Variants in TRIO observed in about 807,000 individuals in gnomAD.
TRIO encodes the protein trio Rho guanine nucleotide exchange factor, also known as triple functional domain protein.
TRIO carries 58 observed loss-of-function variants against 351.9 expected under a neutral mutation model. That is an observed-to-expected ratio of 0.16 (90% CI 0.13 to 0.21). The LOEUF (loss-of-function observed/expected upper bound fraction) is 0.21, where lower values mean the gene tolerates loss of function less well. TRIO is among the 10% of genes least tolerant of loss of function. TRIO has a pLI of 1.00. For missense variants in TRIO, 3,201 were observed against 4,027.8 expected, an observed-to-expected ratio of 0.79 and a Z score of 5.56; for synonymous variants, 1,758 against 1,595.7, an observed-to-expected ratio of 1.10 and a Z score of -2.42.
chr5:14,432,269 C>T (rs191343397), intron 34 of TRIO, among the ~76,000 whole-genome samples: 18 of 139,368 alleles, frequency 1.3e-4, no homozygotes, highest in African/African-American at 4.0e-4. Context: ...TAGCAGGGGA[C>T]GTAAAGTGAG....
In TRIO at chr5:14,287,082, C is replaced by T; in HGVS notation, c.540+19C>T. On this transcript the variant is annotated intron_variant, in intron 4 of 56. Transcript: ENST00000344204. ...ATTTGAGGTAACTTCCCCCGTGTGGCTAGACCCACTAAACAAGTTGGTGTG... is the reference window on the plus strand; with the variant it reads ...ATTTGAGGTAACTTCCCCCGTGTGGTTAGACCCACTAAACAAGTTGGTGTG... 6.2e-7 allele frequency: 1 copy of T among 1,609,700 alleles called. No homozygotes were observed. Among genetic ancestry groups the T allele is most frequent in the East Asian group, 2.2e-5 (1 of 44,802 alleles).
chr5:14,302,766 A>G (rs1738010456), intron 7 of TRIO, among the ~76,000 whole-genome samples: 1 of 152,264 alleles, frequency 6.6e-6, no homozygotes, highest in African/African-American at 2.4e-5. Flanking sequence ...TGCATTTCAA[A>G]TAGTCATCCT....
intron 36 of TRIO, among the ~76,000 whole-genome samples, chr5:14,465,301 G>A (rs911551839): frequency 6.6e-6 from 1 of 152,146 alleles, no homozygotes; most frequent in African/African-American, 2.4e-5. Context: ...ACATGACTGC[G>A]ATTCAAATCA....
chr5:14,301,934 G>A (rs2152294074), intron 7 of TRIO, among the ~76,000 whole-genome samples: 2 of 152,228 alleles, frequency 1.3e-5, no homozygotes, highest in Non-Finnish European at 2.9e-5. Flanking sequence ...TAAAACCATG[G>A]CTAGGATTAT....
chr5:14,314,906 C>A (rs996787603), intron 8 of TRIO, among the ~76,000 whole-genome samples: 3 of 152,204 alleles, frequency 2.0e-5, no homozygotes, highest in African/African-American at 7.2e-5. Context: ...CCTTTATTAT[C>A]TTTGGTTATG....
chr5:14,149,693 T>G (rs1253112565), intron 1 of TRIO, among the ~76,000 whole-genome samples: 2 of 152,226 alleles, frequency 1.3e-5, no homozygotes, highest in Middle Eastern at 3.2e-3. Context: ...GATTACTGGC[T>G]CTTTTCATTA....
intron 53 of TRIO, chr5:14,498,903 T>C: frequency 2.6e-6 from 1 of 382,186 alleles, no homozygotes; most frequent in South Asian, 3.9e-5. Flanking sequence ...GCCTGCCTGG[T>C]GAAGGCCTCT....
Position 14,340,321 on chromosome 5 carries a change from T to C in TRIO, c.2046+3594T>C, listed in dbSNP as rs1579370270. On this transcript the variant is annotated intron_variant, in intron 11 of 56. Coordinates refer to ENST00000344204, the MANE Select transcript of TRIO (RefSeq NM_007118.4). ...CTGAGGCAGGAGAATGGCATGAACC[T>C]GGGAGGCAGAGCTTGCAGTGAGCCG... 2.0e-5 allele frequency among the ~76,000 whole-genome samples: 3 copies of C among 147,600 alleles called. No homozygotes were observed. The South Asian group carries it at 6.3e-4, about 31-fold the overall frequency.
chr5:14,209,550 G>T (rs1384664763), intron 1 of TRIO, among the ~76,000 whole-genome samples: 1 of 152,040 alleles, frequency 6.6e-6, no homozygotes, highest in Non-Finnish European at 1.5e-5. Context: ...TGCTTGTATC[G>T]TACTGGGTTA....
intron 40 of TRIO, among the ~76,000 whole-genome samples, chr5:14,476,192 G>A (rs949343852): frequency 2.0e-5 from 3 of 152,166 alleles, no homozygotes; most frequent in Non-Finnish European, 4.4e-5. Flanking sequence ...AAATTCGCAG[G>A]TATAAAGACC....
intron 1 of TRIO, among the ~76,000 whole-genome samples, chr5:14,193,309 G>A (rs979816304): frequency 2.0e-5 from 3 of 152,134 alleles, no homozygotes; most frequent in Non-Finnish European, 4.4e-5. Context: ...AAACGTACCT[G>A]TGGGCACACA....
At chr5:14,348,470 C>T (rs960458317) in intron 11 of TRIO, among the ~76,000 whole-genome samples, 1 of 152,260 alleles carries the variant, frequency 6.6e-6, no homozygotes, top group African/African-American at 2.4e-5. Flanking sequence ...TTTCCATTTT[C>T]CTGCTTGTGT....
At chr5:14,285,364 G>C (rs149493721) in intron 3 of TRIO, among the ~76,000 whole-genome samples, 1 of 152,034 alleles carries the variant, frequency 6.6e-6, no homozygotes, top group Non-Finnish European at 1.5e-5. Context: ...CTTCTGATTG[G>C]GTCCTACTGC....
At chr5:14,491,728 C>T (rs1361531685) in intron 48 of TRIO, among the ~76,000 whole-genome samples, 1 of 152,186 alleles carries the variant, frequency 6.6e-6, no homozygotes, top group East Asian at 1.9e-4. Flanking sequence ...TGCATGTCAG[C>T]CCTGTGACTG....
At chr5:14,253,236 T>C (rs1046452647) in intron 1 of TRIO, among the ~76,000 whole-genome samples, 1 of 152,280 alleles carries the variant, frequency 6.6e-6, no homozygotes, top group African/African-American at 2.4e-5. Context: ...TATTTATGGC[T>C]TATTTTTAAA....
At chr5:14,380,131 C>T (rs1163022076) in intron 20 of TRIO, among the ~76,000 whole-genome samples, 5 of 152,212 alleles carry the variant, frequency 3.3e-5, no homozygotes, top group African/African-American at 1.2e-4. Context: ...ATCCCAGTTA[C>T]ATCCTTGACA....
intron 9 of TRIO, among the ~76,000 whole-genome samples, chr5:14,324,118 TAAC>T (rs1208604068): frequency 6.6e-6 from 1 of 152,360 alleles, no homozygotes; most frequent in African/African-American, 2.4e-5. Context: ...AGTGACTGAG[TAAC>T]TAAAATAAAT....
At chr5:14,200,685 A>C (rs951682704) in intron 1 of TRIO, among the ~76,000 whole-genome samples, 1 of 152,230 alleles carries the variant, frequency 6.6e-6, no homozygotes, top group Non-Finnish European at 1.5e-5. Context: ...ATATAAGTGC[A>C]GTAAGGGAGG....
intron 1 of TRIO, among the ~76,000 whole-genome samples, chr5:14,241,237 C>T (rs1294793543): frequency 6.6e-6 from 1 of 152,138 alleles, no homozygotes; most frequent in East Asian, 1.9e-4. Flanking sequence ...GGGGGGCCTT[C>T]CTCATATATA....
Sources: allele counts gnomAD v4.1 joint callset (sites outside exome capture counted in the v4.1 genomes callset), GRCh38; gene constraint gnomAD v4.1.1; transcripts MANE v1.5; gene names NCBI Gene and HGNC (gene_info 2026-07-23, HGNC 2026-07-21).